PPP3CC: variants seen among roughly 807,000 people sequenced by gnomAD.
PPP3CC encodes the protein serine/threonine-protein phosphatase 2B catalytic subunit gamma isoform.
PPP3CC carries 35 observed loss-of-function variants against 60.3 expected under a neutral mutation model. The observed-to-expected ratio is 0.58, with a 90% confidence interval of 0.44 to 0.77. The LOEUF is 0.77. Among genes scored for constraint, PPP3CC ranks in the 30% least tolerant of loss-of-function variants. PPP3CC has a pLI of 0.00. For missense variants in PPP3CC, 570 were observed against 628.9 expected, an observed-to-expected ratio of 0.91 and a Z score of 1.00; for synonymous variants, 206 against 224.3, an observed-to-expected ratio of 0.92 and a Z score of 0.73.
Position 22,540,965 on chromosome 8 carries a change from TTTTAA to T in PPP3CC, c.*168_*172del, listed in dbSNP as rs1288906765. 15 of 575,684 alleles carry T rather than the reference TTTTAA, an allele frequency of 2.6e-5. No homozygotes were observed. Among genetic ancestry groups the T allele is most frequent in the South Asian group, 1.7e-4 (4 of 23,628 alleles). The allele number at this position is 575,684 out of a possible 1,614,324, so 35.7% of individuals were successfully genotyped here. The stretch of plus-strand genomic sequence containing the variant: ...AAAAAGGTGGCTGTTTTATAAATTC[TTTTAA>T]TTTATGTTCAATATATATAAAAAGT... On this transcript the variant is annotated 3_prime_UTR_variant, in exon 14 of 14. Coordinates refer to ENST00000240139, the MANE Select transcript of PPP3CC (RefSeq NM_005605.5).
chr8:22,472,718 G>T (rs1837767529), intron 1 of PPP3CC, among the ~76,000 whole-genome samples: 1 of 152,228 alleles, frequency 6.6e-6, no homozygotes, highest in Non-Finnish European at 1.5e-5. Context: ...GTTTTTGGGG[G>T]TCCATGTTTT....
At chr8:22,452,875 C>A (rs1485760298) in intron 1 of PPP3CC, among the ~76,000 whole-genome samples, 2 of 152,218 alleles carry the variant, frequency 1.3e-5, no homozygotes, top group African/African-American at 4.8e-5. Flanking sequence ...AATCTCATTG[C>A]TTTGCAAATC....
At chr8:22,512,593 A>G (rs1229275990) in intron 5 of PPP3CC, among the ~76,000 whole-genome samples, 1 of 152,208 alleles carries the variant, frequency 6.6e-6, no homozygotes. Flanking sequence ...ATTGTAAAAC[A>G]TTTCTGCTGT....
intron 4 of PPP3CC, among the ~76,000 whole-genome samples, chr8:22,499,894 A>G (rs1239154263): frequency 6.6e-6 from 1 of 152,082 alleles, no homozygotes; most frequent in Non-Finnish European, 1.5e-5. Flanking sequence ...ATTTATGTGT[A>G]TTTATTTGTT....
In PPP3CC at chr8:22,450,258, A is replaced by T. The variant is rs147301801; in HGVS notation, c.49+8800A>T. On this transcript the variant is annotated intron_variant, in intron 1 of 13. Coordinates refer to ENST00000240139, the MANE Select transcript of PPP3CC (RefSeq NM_005605.5). ...AATCCAAATATTACCCAGACAGTTG[A>T]TGTGGAAAGTGGAATAGCTATGTTT... Among the ~76,000 whole-genome samples, 421 of 152,336 alleles carry T rather than the reference A, an allele frequency of 2.8e-3. 4 individuals are homozygous for T. Among genetic ancestry groups the T allele is most frequent in the African/African-American group, 9.7e-3 (405 of 41,580 alleles).
intron 3 of PPP3CC, among the ~76,000 whole-genome samples, chr8:22,478,312 C>T (rs969212443): frequency 6.7e-5 from 10 of 148,196 alleles, no homozygotes; most frequent in African/African-American, 1.0e-4. Flanking sequence ...CCACCACACC[C>T]GGCTAATTTC....
intron 3 of PPP3CC, among the ~76,000 whole-genome samples, chr8:22,483,323 G>A (rs1375852664): frequency 3.3e-5 from 5 of 152,120 alleles, no homozygotes; most frequent in African/African-American, 1.2e-4. Context: ...GTCTCGCTGT[G>A]TTGCCCAGGC....
intron 12 of PPP3CC, among the ~76,000 whole-genome samples, chr8:22,538,190 C>T (rs184040641): frequency 5.3e-5 from 8 of 152,260 alleles, no homozygotes; most frequent in Non-Finnish European, 8.8e-5. Context: ...GGGAGGGCCC[C>T]AAACAAGGTA....
intron 1 of PPP3CC, among the ~76,000 whole-genome samples, chr8:22,446,615 G>A (rs969464672): frequency 2.6e-5 from 4 of 151,848 alleles, no homozygotes; most frequent in East Asian, 3.9e-4. Flanking sequence ...CCTGAGGTCC[G>A]GCCAACGTGG....
intron 1 of PPP3CC, among the ~76,000 whole-genome samples, chr8:22,473,266 T>C (rs2132465321): frequency 6.6e-6 from 1 of 152,276 alleles, no homozygotes; most frequent in South Asian, 2.1e-4. Context: ...GTTTACAGAC[T>C]TGTGGCTCTT....
At chr8:22,512,774 T>A (rs556025604) in intron 5 of PPP3CC, among the ~76,000 whole-genome samples, 1 of 152,276 alleles carries the variant, frequency 6.6e-6, no homozygotes, top group African/African-American at 2.4e-5. Flanking sequence ...ATGACAGGGA[T>A]GTTTATAAAA....
chr8:22,452,439 A>G (rs975851405), intron 1 of PPP3CC, among the ~76,000 whole-genome samples: 3 of 151,996 alleles, frequency 2.0e-5, no homozygotes, highest in East Asian at 1.9e-4. Flanking sequence ...GAAGCTGTGG[A>G]GAGTAATGGT....
chr8:22,443,222 G>A (rs978791794), intron 1 of PPP3CC, among the ~76,000 whole-genome samples: 3 of 152,028 alleles, frequency 2.0e-5, no homozygotes, highest in Non-Finnish European at 2.9e-5. Context: ...AAATAAAAAA[G>A]TTAAAATGCA....
At position 22,487,033 on chromosome 8, in the gene PPP3CC, A is replaced by T. The variant is rs889018139; in HGVS notation, c.373-10968A>T. ...GCATGAGCCACCGCGCCCAGCCCAG[A>T]CTTTGTGTTTTATGAGGTATTTAAA... On this transcript the variant is annotated intron_variant, in intron 3 of 13. Coordinates refer to ENST00000240139, the MANE Select transcript of PPP3CC (RefSeq NM_005605.5). Among the ~76,000 whole-genome samples, 67 of 152,184 alleles carry T rather than the reference A, an allele frequency of 4.4e-4. 1 individual carries two copies. The highest frequency in any genetic ancestry group is 1.5e-3 in the African/African-American group (64 of 41,522).
intron 4 of PPP3CC, among the ~76,000 whole-genome samples, chr8:22,509,610 TAG>T: frequency 6.6e-6 from 1 of 152,344 alleles, no homozygotes; most frequent in Non-Finnish European, 1.5e-5. Flanking sequence ...CAGAGATTTG[TAG>T]AGACTCCTCC....
intron 11 of PPP3CC, 35 bp from the exon 12 acceptor site, chr8:22,532,886 C>T (rs960815057): frequency 3.5e-6 from 5 of 1,434,008 alleles, no homozygotes; most frequent in Admixed American, 4.4e-5. Context: ...GGAGAGTTCT[C>T]GGGCATTAAC....
chr8:22,495,657 C>T (rs1211468036), intron 3 of PPP3CC, among the ~76,000 whole-genome samples: 1 of 152,090 alleles, frequency 6.6e-6, no homozygotes, highest in Non-Finnish European at 1.5e-5. Context: ...CTCCCAGGTT[C>T]AAGCGATTCT....
intron 6 of PPP3CC, among the ~76,000 whole-genome samples, chr8:22,515,681 T>G (rs1204856758): frequency 6.6e-6 from 1 of 152,224 alleles, no homozygotes; most frequent in Non-Finnish European, 1.5e-5. Flanking sequence ...TGAGATGATA[T>G]CTCATTGAAG....
chr8:22,445,917 T>G (rs1836807163), intron 1 of PPP3CC, among the ~76,000 whole-genome samples: 1 of 152,222 alleles, frequency 6.6e-6, no homozygotes, highest in African/African-American at 2.4e-5. Context: ...CTGGAACCTC[T>G]GAAAGGGCAT....
Sources: gnomAD v4.1 joint callset for allele counts (sites outside exome capture counted in the v4.1 genomes callset) on GRCh38, gnomAD v4.1.1 for gene constraint, MANE v1.5 for transcripts, NCBI Gene and HGNC (gene_info 2026-07-23, HGNC 2026-07-21) for gene names.